The following HPSE2 variants were observed in gnomAD, a reference collection of about 807,000 sequenced individuals.
HPSE2 encodes the protein heparanase 2 (inactive).
Under a neutral mutation model 60.5 loss-of-function variants are expected in HPSE2, and 38 were observed. That is an observed-to-expected ratio of 0.63 (90% CI 0.48 to 0.82). The LOEUF is 0.82. HPSE2 is among the 40% of genes least tolerant of loss of function. The pLI, the probability that HPSE2 is intolerant of heterozygous loss-of-function variation, is 0.00. For synonymous variants in HPSE2, 295 were observed against 293.2 expected, an observed-to-expected ratio of 1.01 and a Z score of -0.06; for missense variants, 713 against 740.4, an observed-to-expected ratio of 0.96 and a Z score of 0.43.
intron 3 of HPSE2, among the ~76,000 whole-genome samples, chr10:99,004,474 T>C (rs1013736605): frequency 6.6e-6 from 1 of 152,134 alleles, no homozygotes; most frequent in African/African-American, 2.4e-5. Context: ...TAAAACCTTA[T>C]AGTTGTAACA....
intron 3 of HPSE2, among the ~76,000 whole-genome samples, chr10:99,036,092 A>G (rs1957603649): frequency 6.6e-6 from 1 of 152,106 alleles, no homozygotes; most frequent in Non-Finnish European, 1.5e-5. Flanking sequence ...CCATGTGCCT[A>G]GAGTCCCAGC....
At chr10:99,094,710 C>T (rs1270355866) in intron 3 of HPSE2, among the ~76,000 whole-genome samples, 1 of 150,500 alleles carries the variant, frequency 6.6e-6, no homozygotes, top group Non-Finnish European at 1.5e-5. Flanking sequence ...GCACATGTCA[C>T]CACACCTGGC....
intron 3 of HPSE2, among the ~76,000 whole-genome samples, chr10:98,893,896 G>T (rs892943218): frequency 5.1e-4 from 39 of 76,850 alleles, no homozygotes; most frequent in African/African-American, 1.9e-3. Context: ...TAATGAAGTG[G>T]TAAACTAGAA....
chr10:99,144,494 T>C, intron 2 of HPSE2, 95 bp from the exon 3 acceptor site: 1 of 1,427,120 alleles, frequency 7.0e-7, no homozygotes, highest in Admixed American at 1.8e-5. Flanking sequence ...AATGACAGAA[T>C]TAATAAGCTA....
intron 3 of HPSE2, among the ~76,000 whole-genome samples, chr10:98,780,388 T>C (rs1950438295): frequency 6.6e-6 from 1 of 152,236 alleles, no homozygotes; most frequent in African/African-American, 2.4e-5. Flanking sequence ...TAAATGTTTA[T>C]ATTTTCTCCA....
intron 3 of HPSE2, among the ~76,000 whole-genome samples, chr10:98,802,299 TA>T (rs1164797464): frequency 2.3e-5 from 1 of 44,390 alleles, no homozygotes; most frequent in Non-Finnish European, 4.8e-5. Flanking sequence ...TTTCTCTTTT[TA>T]TTTTTTTTTT....
At chr10:99,034,697 T>G (rs931835102) in intron 3 of HPSE2, among the ~76,000 whole-genome samples, 57 of 152,122 alleles carry the variant, frequency 3.7e-4, no homozygotes, top group Non-Finnish European at 1.2e-4. Context: ...AAATGCATAG[T>G]TAGGTGATTT....
At chr10:98,702,333 G>A (rs1468855936) in intron 5 of HPSE2, among the ~76,000 whole-genome samples, 1 of 152,098 alleles carries the variant, frequency 6.6e-6, no homozygotes, top group African/African-American at 2.4e-5. Context: ...GACCTATAAA[G>A]AGACTTAGAC....
intron 9 of HPSE2, among the ~76,000 whole-genome samples, chr10:98,561,175 TTG>T (rs1944169403): frequency 6.7e-6 from 1 of 150,238 alleles, no homozygotes; most frequent in Non-Finnish European, 1.5e-5. Flanking sequence ...GTTCTTTTTT[TTG>T]TTTTTTTGAC....
intron 2 of HPSE2, among the ~76,000 whole-genome samples, chr10:99,228,490 C>A (rs1247012213): frequency 1.3e-5 from 2 of 151,890 alleles, no homozygotes; most frequent in African/African-American, 2.4e-5. Flanking sequence ...GAATACAATA[C>A]AAAGAGGGGA....
chr10:98,859,223 AG>A (rs1367741981), intron 3 of HPSE2, among the ~76,000 whole-genome samples: 1 of 152,202 alleles, frequency 6.6e-6, no homozygotes. Flanking sequence ...ATCACAGCAA[AG>A]TTGAGTAGTT....
chr10:98,778,264 C>CAGAGAGAGAGAG (rs143885408), intron 3 of HPSE2, among the ~76,000 whole-genome samples: 9,906 of 112,554 alleles, frequency 0.088, 931 homozygotes, highest in South Asian at 0.15. Context: ...GAGAGAGAGA[C>CAGAGAGAGAGAG]AGAGAGAGAG....
chr10:98,483,380 C>T (rs1235210835), intron 10 of HPSE2, among the ~76,000 whole-genome samples: 4 of 152,184 alleles, frequency 2.6e-5, no homozygotes, highest in African/African-American at 7.2e-5. Context: ...TGTAACATTA[C>T]TTAACTAATC....
At chr10:98,610,031 C>T (rs565204898) in intron 9 of HPSE2, among the ~76,000 whole-genome samples, 33 of 151,930 alleles carry the variant, frequency 2.2e-4, no homozygotes, top group East Asian at 3.9e-4. Context: ...TTACTAGAGA[C>T]GGGGTTTCAC....
chr10:99,241,953 G>A, the HPSE2 span, among the ~76,000 whole-genome samples: 2 of 152,098 alleles, frequency 1.3e-5, no homozygotes, highest in African/African-American at 2.4e-5. Flanking sequence ...GTTAATAAAC[G>A]TGGTCAAACA....
At chr10:99,212,709 A>T (rs1311877195) in intron 2 of HPSE2, among the ~76,000 whole-genome samples, 1 of 152,164 alleles carries the variant, frequency 6.6e-6, no homozygotes, top group Admixed American at 6.5e-5. Context: ...CCTTCAAGAG[A>T]TCTACTGTAC....
intron 9 of HPSE2, among the ~76,000 whole-genome samples, chr10:98,563,527 T>C (rs1219841275): frequency 6.6e-6 from 1 of 152,194 alleles, no homozygotes; most frequent in African/African-American, 2.4e-5. Context: ...CACCATTGCA[T>C]TGTATCCTTT....
At chr10:98,852,768 T>C (rs1952212912) in intron 3 of HPSE2, among the ~76,000 whole-genome samples, 1 of 152,202 alleles carries the variant, frequency 6.6e-6, no homozygotes, top group Non-Finnish European at 1.5e-5. Context: ...AACTAGTTTG[T>C]TTTTTTCTAC....
At chr10:99,305,979 G>GCGCACGCGCGCACACACACACACACACA in the HPSE2 span, among the ~76,000 whole-genome samples, 1 of 80,580 alleles carries the variant, frequency 1.2e-5, no homozygotes, top group African/African-American at 5.4e-5. Context: ...GCGCGCGCGC[G>GCGCACGCGCGCACACACACACACACACA]CACACACACA....
Sources: allele counts gnomAD v4.1 joint callset (sites outside exome capture counted in the v4.1 genomes callset), GRCh38; gene constraint gnomAD v4.1.1; transcripts MANE v1.5; gene names NCBI Gene and HGNC (gene_info 2026-07-23, HGNC 2026-07-21).